PCDH11X: variants seen among roughly 807,000 people sequenced by gnomAD.
PCDH11X encodes the protein protocadherin 11 X-linked.
Under a neutral mutation model 53.3 loss-of-function variants are expected in PCDH11X, and 18 were observed. The ratio of observed to expected loss-of-function variants is 0.34; its 90% CI spans 0.23 to 0.50. The LOEUF is 0.50. PCDH11X is among the 20% of genes least tolerant of loss of function. PCDH11X has a pLI of 0.98. For missense variants in PCDH11X, 570 were observed against 1,032.4 expected, an observed-to-expected ratio of 0.55 and a Z score of 6.14; for synonymous variants, 279 against 393.3, an observed-to-expected ratio of 0.71 and a Z score of 3.44.
intron 1 of PCDH11X, among the ~76,000 whole-genome samples, chrX:91,780,306 C>A (rs1271828126): frequency 8.9e-6 from 1 of 111,949 alleles, no homozygotes; most frequent in Admixed American, 9.4e-5. Context: ...TGGCGCTCGC[C>A]TCCCCGCCCT....
chrX:91,885,655 C>A (rs180864983), intron 6 of PCDH11X, among the ~76,000 whole-genome samples: 1 of 111,273 alleles, frequency 9.0e-6, no homozygotes, highest in African/African-American at 3.3e-5. Flanking sequence ...TTTCAGTGAA[C>A]CTTTCCTTCA....
At chrX:92,176,636 C>G (rs746876553) in intron 6 of PCDH11X, among the ~76,000 whole-genome samples, 45 of 112,180 alleles carry the variant, frequency 4.0e-4, no homozygotes, top group Non-Finnish European at 6.8e-4. Flanking sequence ...AAGGATATAT[C>G]AGCACAAATA....
chrX:92,609,907 T>C, intron 10 of PCDH11X, among the ~76,000 whole-genome samples: 1 of 111,482 alleles, frequency 9.0e-6, no homozygotes, highest in African/African-American at 3.3e-5. Context: ...GCTGCACCCA[T>C]GTTGCTGCAA....
intron 6 of PCDH11X, among the ~76,000 whole-genome samples, chrX:92,025,261 G>C (rs1357823835): frequency 9.4e-6 from 1 of 106,605 alleles, no homozygotes; most frequent in Non-Finnish European, 1.9e-5. Context: ...ATCTGCAAGG[G>C]ACTCACACAA....
intron 6 of PCDH11X, among the ~76,000 whole-genome samples, chrX:91,930,213 A>T (rs1037856083): frequency 2.8e-5 from 3 of 108,468 alleles, no homozygotes; most frequent in African/African-American, 1.0e-4. Context: ...GACTAAAATG[A>T]TAGAAAAAAA....
At chrX:92,559,320 G>C (rs2148760066) in intron 10 of PCDH11X, among the ~76,000 whole-genome samples, 1 of 111,114 alleles carries the variant, frequency 9.0e-6, no homozygotes, top group East Asian at 2.8e-4. Flanking sequence ...ATCAAATATT[G>C]ATGCTTGTTA....
intron 6 of PCDH11X, among the ~76,000 whole-genome samples, chrX:92,031,729 C>T (rs944854223): frequency 4.5e-5 from 5 of 111,308 alleles, no homozygotes; most frequent in Non-Finnish European, 7.5e-5. Flanking sequence ...ACATCAGTTA[C>T]TGAAGCGACT....
intron 9 of PCDH11X, among the ~76,000 whole-genome samples, chrX:92,393,572 T>A (rs953764233): frequency 3.6e-5 from 4 of 111,164 alleles, no homozygotes; most frequent in Non-Finnish European, 5.7e-5. Context: ...ACTGAAAATT[T>A]AAAAATTTCC....
intron 6 of PCDH11X, among the ~76,000 whole-genome samples, chrX:92,175,809 G>T (rs866715078): frequency 1.5e-4 from 12 of 80,984 alleles, no homozygotes; most frequent in African/African-American, 3.1e-4. Context: ...CACACAGAGA[G>T]AGAGAGAGAC....
In PCDH11X at chrX:91,883,698, G is replaced by C. The variant is rs1415413770; in HGVS notation, c.3033+4425G>C. The C allele has an allele frequency of 1.3e-5, 7 of 526,484 alleles. No individual in the cohort carries two copies. In the African/African-American group the frequency reaches 1.6e-4, roughly 12 times the overall value. 43.4% of individuals were successfully genotyped at this position (526,484 alleles called of 1,213,427 possible). A position where few individuals can be genotyped will look rare whatever the true frequency, so the allele number is the denominator to read the frequency against. ...CGGGCGCCTGTAGTCCCAGCTACTCGGGAGGCTGAGGCAGGAGAATAGCGT... is the reference window on the plus strand; with the variant it reads ...CGGGCGCCTGTAGTCCCAGCTACTCCGGAGGCTGAGGCAGGAGAATAGCGT... On this transcript the variant is annotated intron_variant, in intron 6 of 10. Coordinates refer to ENST00000682573, the MANE Select transcript of PCDH11X (RefSeq NM_032968.5).
intron 9 of PCDH11X, among the ~76,000 whole-genome samples, chrX:92,462,453 C>A (rs1159758775): frequency 9.0e-6 from 1 of 111,202 alleles, no homozygotes; most frequent in African/African-American, 3.3e-5. Flanking sequence ...AGAATTCACC[C>A]TCTCAAGAAC....
In PCDH11X at chrX:92,387,736, C is replaced by A; in HGVS notation, c.3146C>A (p.Ser1049Tyr). 5.0e-6 allele frequency: 6 copies of A among 1,211,829 alleles called. No individual in the cohort carries two copies. Among genetic ancestry groups the A allele is most frequent in the Non-Finnish European group, 6.7e-6 (6 of 895,456 alleles). ...TGTAATTTTCATTCTCCCTTTCAGT[C>A]CCAGCGGCGTGTCACATTTCACCTG... ...RKSEGKVAGKSQRRVTFHLPE... is the reference protein window; with the variant it reads ...RKSEGKVAGKYQRRVTFHLPE... The change falls in exon 9 of 11, where the codon TCC (serine) becomes TAC (tyrosine). Residue 1049 changes from serine (S) to tyrosine (Y), a missense_variant and splice_region_variant. Coordinates refer to ENST00000682573, the MANE Select transcript of PCDH11X (RefSeq NM_032968.5).
At chrX:92,542,454 C>T (rs1479101535) in intron 10 of PCDH11X, among the ~76,000 whole-genome samples, 1 of 110,710 alleles carries the variant, frequency 9.0e-6, no homozygotes, top group Non-Finnish European at 1.9e-5. Context: ...AACACTGGGA[C>T]CACTAGCACC....
chrX:92,019,865 G>C (rs1212806817), intron 6 of PCDH11X, among the ~76,000 whole-genome samples: 1 of 111,606 alleles, frequency 9.0e-6, no homozygotes, highest in Non-Finnish European at 1.9e-5. Context: ...CTGCAAGTGA[G>C]GTATCCAGGT....
At chrX:91,854,881 A>G (rs1938237456) in intron 5 of PCDH11X, among the ~76,000 whole-genome samples, 1 of 111,661 alleles carries the variant, frequency 9.0e-6, no homozygotes, top group Admixed American at 9.6e-5. Flanking sequence ...AGCTCTCCAT[A>G]TATTCAGATT....
At chrX:92,113,217 T>A in intron 6 of PCDH11X, 1 of 1,167,475 alleles carries the variant, frequency 8.6e-7, no homozygotes, top group Non-Finnish European at 1.1e-6. Context: ...GAGCCCTGGC[T>A]GGGGCTGGGT....
chrX:92,246,427 G>A (rs906494584), intron 7 of PCDH11X, among the ~76,000 whole-genome samples: 4 of 110,975 alleles, frequency 3.6e-5, no homozygotes, highest in African/African-American at 9.9e-5. Context: ...ATCTCGGCCC[G>A]CTGCCACCTC....
intron 6 of PCDH11X, among the ~76,000 whole-genome samples, chrX:92,186,628 C>CAA (rs34913850): frequency 0.024 from 1,488 of 62,976 alleles, 49 homozygotes; most frequent in African/African-American, 0.031. Flanking sequence ...AACTCCGTCT[C>CAA]AAAAAAAAAA....
chrX:92,400,434 T>A (rs6615378), intron 9 of PCDH11X, among the ~76,000 whole-genome samples: 13,673 of 109,179 alleles, frequency 0.13, 1,282 homozygotes, highest in East Asian at 0.64. Flanking sequence ...TGCAGATAAG[T>A]TTTCCATTGA....
Sources: allele counts gnomAD v4.1 joint callset (sites outside exome capture counted in the v4.1 genomes callset), GRCh38; gene constraint gnomAD v4.1.1; transcripts MANE v1.5; gene names NCBI Gene and HGNC (gene_info 2026-07-23, HGNC 2026-07-21).